TNFSF13: variants seen among roughly 807,000 people sequenced by gnomAD.
TNFSF13 encodes the protein tumor necrosis factor ligand superfamily member 13.
TNFSF13 carries 18 observed loss-of-function variants against 30.7 expected under a neutral mutation model. That is an observed-to-expected ratio of 0.59 (90% CI 0.41 to 0.87). The LOEUF is 0.87. Ranked by LOEUF, TNFSF13 falls within the 40% of genes least tolerant of loss-of-function variation. The pLI, the probability that TNFSF13 is intolerant of heterozygous loss-of-function variation, is 0.00. For missense variants in TNFSF13, 286 were observed against 308.8 expected (o/e 0.93, Z 0.55); for synonymous variants, 116 against 123.2 (o/e 0.94, Z 0.39).
rs781619220 is a variant in TNFSF13 at position 7,560,504 on chromosome 17, G to A, written c.643+16G>A. On this transcript the variant is annotated intron_variant, in intron 5 of 5. Coordinates refer to ENST00000338784, the MANE Select transcript of TNFSF13 (RefSeq NM_003808.4). ...TATAGCGCAGGTGAGAGCCGTGTGG[G>A]CAGCCGAAAGCAGGACGTCTCTGAC... 1 of 1,613,904 alleles carries A rather than the reference G, an allele frequency of 6.2e-7. No homozygotes were observed. The highest frequency in any genetic ancestry group is 8.5e-7 in the Non-Finnish European group (1 of 1,179,882).
In TNFSF13 at chr17:7,560,166, A is replaced by G; in HGVS notation, c.503A>G (p.Gln168Arg). ...QDAGVYLLYSQVLFQDVTFTM... is the reference protein window; with the variant it reads ...QDAGVYLLYSRVLFQDVTFTM... ...GCTGGAGTTTATCTGCTGTATAGCC[A>G]GGTAACCCCAGCCACACTCTGAGCT... The change falls in exon 4 of 6, where the codon CAG becomes CGG. Residue 168 changes from glutamine (Q) to arginine (R), a missense_variant and splice_region_variant. Gln to Arg is a conservative substitution (Grantham distance 43). Transcript: ENST00000338784. The G allele has an allele frequency of 6.2e-7, 1 of 1,614,080 alleles. No homozygotes were observed. Among genetic ancestry groups the G allele is most frequent in the Non-Finnish European group, 8.5e-7 (1 of 1,180,012 alleles).
chr17:7,560,300 G>A, intron 4 of TNFSF13, 50 bp from the exon 5 acceptor site: 2 of 1,613,432 alleles, frequency 1.2e-6, no homozygotes, highest in Non-Finnish European at 1.7e-6. Context: ...AGGCCTCCCA[G>A]AACTGAGCCA....
intron 4 of TNFSF13, 36 bp from the exon 5 acceptor site, chr17:7,560,314 C>T: frequency 1.2e-6 from 2 of 1,612,514 alleles, no homozygotes; most frequent in Middle Eastern, 3.3e-4. Flanking sequence ...TGAGCCAGGC[C>T]ATCCTGTTTT....
Position 7,560,324 on chromosome 17 carries a change from T to C in TNFSF13, c.505-26T>C, listed in dbSNP as rs1236936366. On this transcript the variant is annotated intron_variant, in intron 4 of 5. Transcript: ENST00000338784. The stretch of plus-strand genomic sequence containing the variant: ...AGAACTGAGCCAGGCCATCCTGTTT[T>C]CTTCAACATCTCCCTTCCCTGCCAG... The C allele has an allele frequency of 1.9e-6, 3 of 1,612,292 alleles. No homozygotes were observed. The South Asian group carries it at 3.3e-5, about 18-fold the overall frequency.
Position 7,560,657 on chromosome 17 carries a change from G to A in TNFSF13, c.644-67G>A, listed in dbSNP as rs556299484. ...GCAGAGGAACGGTGGAGCTGGAGAAGGCAGGGGGAAACAGGGCATCTGGAT... is the reference window on the plus strand; with the variant it reads ...GCAGAGGAACGGTGGAGCTGGAGAAAGCAGGGGGAAACAGGGCATCTGGAT... On this transcript the variant is annotated intron_variant, in intron 5 of 5. Coordinates refer to ENST00000338784, the MANE Select transcript of TNFSF13 (RefSeq NM_003808.4). 137 of 1,612,822 alleles carry A rather than the reference G, an allele frequency of 8.5e-5. No homozygotes were observed. In the South Asian group the frequency reaches 1.4e-3, roughly 16 times the overall value.
In TNFSF13 at chr17:7,558,965, C is replaced by T. The variant is rs186358612; in HGVS notation, c.-75C>T. On this transcript the variant is annotated 5_prime_UTR_variant, in exon 1 of 6. Transcript: ENST00000338784. This position sits in a 1 kb window ranked among gnomAD's most constrained non-coding sequence, Gnocchi z 4.3. ...CCTTCTTCCCTTCTGCACCACTGCC[C>T]GTACCCTTACCCGCCCCGCCACCTC... 1.7e-4 allele frequency: 248 copies of T among 1,467,970 alleles called. No homozygotes were observed. The African/African-American group carries it at 2.8e-3, about 17-fold the overall frequency. 90.9% of individuals were successfully genotyped at this position (1,467,970 alleles called of 1,614,324 possible).
At position 7,559,314 on chromosome 17, in the gene TNFSF13, G is replaced by T; in HGVS notation, c.258+17G>T. ...CCGGAGCAGGTGAGTGAGGGGAGGA[G>T]GGTGTCTGGGAGAGGATGGTTAGCA... On this transcript the variant is annotated intron_variant, in intron 1 of 5. Transcript: ENST00000338784. This position sits in a 1 kb window ranked among gnomAD's most constrained non-coding sequence, Gnocchi z 5.4. 6.3e-7 allele frequency: 1 copy of T among 1,582,228 alleles called. No individual in the cohort carries two copies. Among genetic ancestry groups the T allele is most frequent in the Non-Finnish European group, 8.6e-7 (1 of 1,161,880 alleles).
In TNFSF13 at chr17:7,558,932, C is replaced by T. The variant is rs563292060; in HGVS notation, c.-108C>T. On this transcript the variant is annotated 5_prime_UTR_variant, in exon 1 of 6. Transcript: ENST00000338784. The surrounding 1 kb of genome is among the most constrained non-coding windows in gnomAD (Gnocchi z 4.3). ...TCAAGTTCCTTTTTATTTCTCCTTG[C>T]GTAACAACCTTCTTCCCTTCTGCAC... 164 of 1,232,550 alleles carry T rather than the reference C, an allele frequency of 1.3e-4. 1 individual carries two copies. The highest frequency in any genetic ancestry group is 4.2e-4 in the Middle Eastern group (2 of 4,786). 76.4% of individuals were successfully genotyped at this position (1,232,550 alleles called of 1,614,324 possible).
In TNFSF13 at chr17:7,559,923, GGAGGGGCAATAACCA is replaced by G; in HGVS notation, c.385+32_385+46del. 1 of 1,614,074 alleles carries G rather than the reference GGAGGGGCAATAACCA, an allele frequency of 6.2e-7. No individual in the cohort carries two copies. The highest frequency in any genetic ancestry group is 1.1e-5 in the South Asian group (1 of 91,082). ...GCACTATTTTAAATAATGGCTTTGG[GGAGGGGCAATAACCA>G]GGAACTCGGGCTGGCACTTGGGCTC... On this transcript the variant is annotated intron_variant, in intron 3 of 5. Transcript: ENST00000338784. The surrounding 1 kb of genome is among the most constrained non-coding windows in gnomAD (Gnocchi z 5.4).
At chr17:7,560,224 G>A (rs1303449140) in intron 4 of TNFSF13, 57 bp downstream of exon 4, 2 of 1,612,408 alleles carry the variant, frequency 1.2e-6, no homozygotes, top group Admixed American at 3.3e-5. Flanking sequence ...CCTACTGAGG[G>A]TTCCTGACCC....
chr17:7,560,616 C>T, intron 5 of TNFSF13, 108 bp from the exon 6 acceptor site: 1 of 1,610,314 alleles, frequency 6.2e-7, no homozygotes, highest in Non-Finnish European at 8.5e-7. Context: ...TGCAGAATGC[C>T]GGGTCCTTAC....
Position 7,558,958 on chromosome 17 carries a change from C to T in TNFSF13, c.-82C>T. The stretch of plus-strand genomic sequence containing the variant: ...GTAACAACCTTCTTCCCTTCTGCAC[C>T]ACTGCCCGTACCCTTACCCGCCCCG... On this transcript the variant is annotated 5_prime_UTR_variant, in exon 1 of 6. Transcript: ENST00000338784. This position sits in a 1 kb window ranked among gnomAD's most constrained non-coding sequence, Gnocchi z 4.3. 7.0e-7 allele frequency: 1 copy of T among 1,422,136 alleles called. No individual in the cohort carries two copies. 88.1% of individuals were successfully genotyped at this position (1,422,136 alleles called of 1,614,324 possible).
chr17:7,561,043 C>A lies in TNFSF13; in HGVS notation c.*210C>A. ...CTTGCTTCTGTTCCCCATGGAGCTC[C>A]GAATTCTTGCGTGTGTGTAGATGAG... On this transcript the variant is annotated 3_prime_UTR_variant, in exon 6 of 6. Coordinates refer to ENST00000338784, the MANE Select transcript of TNFSF13 (RefSeq NM_003808.4). This position sits in a 1 kb window ranked among gnomAD's most constrained non-coding sequence, Gnocchi z 4.4. The A allele has an allele frequency of 6.2e-7, 1 of 1,614,016 alleles. No individual in the cohort carries two copies. The highest frequency in any genetic ancestry group is 1.1e-5 in the South Asian group (1 of 91,078).
upstream of TNFSF13, chr17:7,558,469 T>C: frequency 6.6e-6 from 1 of 152,520 alleles, no homozygotes; most frequent in Non-Finnish European, 1.5e-5. The surrounding 1 kb of genome is among the most constrained non-coding windows in gnomAD (Gnocchi z 4.3). Context: ...GGCCCAGCCT[T>C]AACCCCAGAA....
rs529119142 is a variant in TNFSF13, at chr17:7,559,595, C to T, written c.259-29C>T. The T allele has an allele frequency of 2.5e-6, 4 of 1,610,368 alleles. No individual in the cohort carries two copies. Among genetic ancestry groups the T allele is most frequent in the East Asian group, 4.5e-5 (2 of 44,840 alleles). ...GCTGGCTGGGACCCTCGCATCTTAA[C>T]CTAACCTTGACCCTCTTTCCATGAG... On this transcript the variant is annotated intron_variant, in intron 1 of 5. Coordinates refer to ENST00000338784, the MANE Select transcript of TNFSF13 (RefSeq NM_003808.4). The surrounding 1 kb of genome is among the most constrained non-coding windows in gnomAD (Gnocchi z 5.4).
Position 7,559,635 on chromosome 17 carries a change from C to T in TNFSF13, c.270C>T (p.Ala90=). Residue 90 remains alanine (A), a synonymous_variant, in exon 2 of 6, where the codon GCC becomes GCT. Coordinates refer to ENST00000338784, the MANE Select transcript of TNFSF13 (RefSeq NM_003808.4). The surrounding 1 kb of genome is among the most constrained non-coding windows in gnomAD (Gnocchi z 5.4). ...WQSLPEQSSD[A]LEAWENGERS... ...CTTTCCATGAGCAGAGTTCCGATGC[C>T]CTGGAAGCCTGGGAGAATGGGGAGA... 6.2e-7 allele frequency: 1 copy of T among 1,613,276 alleles called. No individual in the cohort carries two copies. The highest frequency in any genetic ancestry group is 8.5e-7 in the Non-Finnish European group (1 of 1,179,820).
chr17:7,560,544 C>A lies in TNFSF13; in HGVS notation c.643+56C>A. On this transcript the variant is annotated intron_variant, in intron 5 of 5. Transcript: ENST00000338784. Reference sequence around the variant, plus strand: ...ACGTCTCTGACCGGGGGTAGCAGTGCAGGGAGCTACCGCTAGGAGGGAGGT... The same window carrying A: ...ACGTCTCTGACCGGGGGTAGCAGTGAAGGGAGCTACCGCTAGGAGGGAGGT... The A allele has an allele frequency of 1.9e-6, 3 of 1,612,006 alleles. No homozygotes were observed. The South Asian group carries it at 3.3e-5, about 18-fold the overall frequency.
rs761450514 is a variant in TNFSF13, at chr17:7,559,759, AAGCCCG to A, written c.337+60_337+65del. The stretch of plus-strand genomic sequence containing the variant: ...GGTGATCAAGCAGCGTGGGGATTGT[AAGCCCG>A]AGTCAGGGTGAGGGTGGAGGCTGCC... On this transcript the variant is annotated intron_variant, in intron 2 of 5. Coordinates refer to ENST00000338784, the MANE Select transcript of TNFSF13 (RefSeq NM_003808.4). This position sits in a 1 kb window ranked among gnomAD's most constrained non-coding sequence, Gnocchi z 5.4. 1 of 1,613,874 alleles carries A rather than the reference AAGCCCG, an allele frequency of 6.2e-7. No individual in the cohort carries two copies. The highest frequency in any genetic ancestry group is 1.1e-5 in the South Asian group (1 of 91,056).
At position 7,560,489 on chromosome 17, in the gene TNFSF13, G is replaced by A. The variant is rs1047744540; in HGVS notation, c.643+1G>A. ...GCCTACAACAGCTGCTATAGCGCAG[G>A]TGAGAGCCGTGTGGGCAGCCGAAAG... On this transcript the variant is annotated splice_donor_variant, in intron 5 of 5. Transcript: ENST00000338784. LOFTEE classifies it high-confidence loss of function. 4 of 1,614,150 alleles carry A rather than the reference G, an allele frequency of 2.5e-6. No homozygotes were observed. The highest frequency in any genetic ancestry group is 3.4e-6 in the Non-Finnish European group (4 of 1,180,000).
Sources: gnomAD v4.1 joint callset for allele counts on GRCh38, gnomAD v4.1.1 for gene constraint, Gnocchi (gnomAD v3.1) non-coding constraint, MANE v1.5 for transcripts, NCBI Gene and HGNC (gene_info 2026-07-23, HGNC 2026-07-21) for gene names.